The following ITIH5 variants were observed in gnomAD, a reference collection of about 807,000 sequenced individuals.
The protein encoded by ITIH5 is inter-alpha-trypsin inhibitor heavy chain 5.
Under a neutral mutation model 77.5 loss-of-function variants are expected in ITIH5, and 65 were observed. That is an observed-to-expected ratio of 0.84 (90% confidence interval 0.69 to 1.03). ITIH5 has a LOEUF of 1.03. ITIH5 is among the 50% of genes least tolerant of loss of function. The pLI, the probability that ITIH5 is intolerant of heterozygous loss-of-function variation, is 0.00. For synonymous variants in ITIH5, 525 were observed against 494.3 expected, an observed-to-expected ratio of 1.06 and a Z score of -0.82; for missense variants, 1,208 against 1,213.1, an observed-to-expected ratio of 1.00 and a Z score of 0.06.
chr10:7,576,695 T>A lies in ITIH5; in HGVS notation c.1736A>T (p.Tyr579Phe), dbSNP rs773146549. 7 of 1,613,966 alleles carry A rather than the reference T, an allele frequency of 4.3e-6. No homozygotes were observed. The highest frequency in any genetic ancestry group is 2.7e-5 in the African/African-American group (2 of 74,896). The change falls in exon 10 of 14, where the codon TAC becomes TTC. Residue 579 changes from tyrosine to phenylalanine, a missense_variant. Physicochemically the swap from Tyr to Phe is conservative, Grantham distance 22 (BLOSUM62 3). Coordinates refer to ENST00000397146, the MANE Select transcript of ITIH5 (RefSeq NM_030569.7). ...GCTCAGCAGCTCCTTTGTGGTGAGG[T>A]AGCTCCAGAGACGCTCGATGTGGTT... ...DTNHIERLWS[Y>F]LTTKELLSSW...
intron 7 of ITIH5, among the ~76,000 whole-genome samples, chr10:7,600,795 T>G (rs539296752): frequency 1.3e-5 from 2 of 152,176 alleles, no homozygotes; most frequent in Non-Finnish European, 2.9e-5. Context: ...TTGGGATCAG[T>G]GCCCTTATGA....
chr10:7,573,902 G>C lies in ITIH5; in HGVS notation c.1979-707C>G, dbSNP rs569666893. Among the ~76,000 whole-genome samples the C allele has an allele frequency of 2.6e-5, 4 of 152,266 alleles. No homozygotes were observed. The South Asian group carries it at 8.3e-4, about 32-fold the overall frequency. ...GGCCTGTAGCATTTCAGACGTGCAA[G>C]ATGGAAAAGTTCTAGAGATCTGTTT... On this transcript the variant is annotated intron_variant, in intron 10 of 13. Coordinates refer to ENST00000397146, the MANE Select transcript of ITIH5 (RefSeq NM_030569.7).
chr10:7,581,207 C>T (rs1053284831), intron 8 of ITIH5, among the ~76,000 whole-genome samples: 2 of 152,098 alleles, frequency 1.3e-5, no homozygotes, highest in Non-Finnish European at 2.9e-5. Context: ...TTGCAGTGAG[C>T]CAAGATCGTG....
intron 7 of ITIH5, chr10:7,600,535 CT>C (rs1305628789): frequency 2.2e-6 from 1 of 456,648 alleles, no homozygotes; most frequent in Non-Finnish European, 4.4e-6. Flanking sequence ...TTACCTTGGC[CT>C]TTGCCTTCCC....
intron 7 of ITIH5, 102 bp from the exon 8 acceptor site, chr10:7,586,171 T>C: frequency 3.8e-6 from 4 of 1,056,668 alleles, no homozygotes; most frequent in Non-Finnish European, 5.4e-6. Context: ...ATGTCAGGGT[T>C]CAAATTCAGT....
chr10:7,644,694 ACATATC>A (rs1228412042), intron 2 of ITIH5, among the ~76,000 whole-genome samples: 1 of 128,832 alleles, frequency 7.8e-6, no homozygotes, highest in African/African-American at 3.4e-5. Flanking sequence ...CATATATATC[ACATATC>A]TATATCACAT....
chr10:7,602,026 A>G (rs1291138473), intron 7 of ITIH5, among the ~76,000 whole-genome samples: 1 of 151,780 alleles, frequency 6.6e-6, no homozygotes, highest in Non-Finnish European at 1.5e-5. Context: ...CTAATTTTTT[A>G]CGTTTTTAGT....
chr10:7,645,048 G>A (rs1353425463), intron 2 of ITIH5, among the ~76,000 whole-genome samples: 1 of 150,800 alleles, frequency 6.6e-6, no homozygotes, highest in East Asian at 1.9e-4. Flanking sequence ...TGAGGAAGGG[G>A]AGAGAATGGG....
At chr10:7,644,900 CATATATATATCACAT>C (rs1833982557) in intron 2 of ITIH5, among the ~76,000 whole-genome samples, 1 of 55,768 alleles carries the variant, frequency 1.8e-5, no homozygotes, top group African/African-American at 8.5e-5. Context: ...ATATATATCA[CATATATATATCACAT>C]ATATATATCA....
intron 7 of ITIH5, among the ~76,000 whole-genome samples, chr10:7,600,268 G>T (rs1832988191): frequency 6.6e-6 from 1 of 152,212 alleles, no homozygotes; most frequent in Non-Finnish European, 1.5e-5. Context: ...CAGTGGACAG[G>T]ATGTTAGGGG....
intron 2 of ITIH5, among the ~76,000 whole-genome samples, chr10:7,645,817 T>A (rs1479540516): frequency 1.3e-5 from 2 of 152,224 alleles, no homozygotes; most frequent in Non-Finnish European, 2.9e-5. Context: ...TGTTAAATGA[T>A]CTCATTAAAA....
At chr10:7,648,380 T>A (rs1484261778) in intron 2 of ITIH5, among the ~76,000 whole-genome samples, 2 of 152,350 alleles carry the variant, frequency 1.3e-5, no homozygotes, top group East Asian at 3.9e-4. Context: ...AATTCAAAAG[T>A]TACTTGTGAA....
chr10:7,626,192 C>T (rs944218518), intron 5 of ITIH5, among the ~76,000 whole-genome samples: 4 of 152,280 alleles, frequency 2.6e-5, no homozygotes, highest in Admixed American at 2.0e-4. Context: ...CCACCTCCCA[C>T]AGCAAGCCAA....
intron 8 of ITIH5, among the ~76,000 whole-genome samples, chr10:7,581,870 A>AT (rs34386089): frequency 0.072 from 5,821 of 81,344 alleles, 445 homozygotes; most frequent in African/African-American, 0.2. Context: ...CCACCCATGT[A>AT]TTTTTTTTTT....
chr10:7,563,073 G>C lies in ITIH5; in HGVS notation c.*10C>G. The C allele has an allele frequency of 6.2e-7, 1 of 1,612,638 alleles. No individual in the cohort carries two copies. Among genetic ancestry groups the C allele is most frequent in the Non-Finnish European group, 8.5e-7 (1 of 1,178,656 alleles). On this transcript the variant is annotated 3_prime_UTR_variant, in exon 14 of 14. Transcript: ENST00000397146. ...TCCTTCATGCACTTGCATCTTTAAGGCTGCCAGCTTCAGAGCTCCCTGGAC... is the reference window on the plus strand; with the variant it reads ...TCCTTCATGCACTTGCATCTTTAAGCCTGCCAGCTTCAGAGCTCCCTGGAC...
At chr10:7,661,415 A>G (rs1834274745) in intron 1 of ITIH5, among the ~76,000 whole-genome samples, 1 of 152,156 alleles carries the variant, frequency 6.6e-6, no homozygotes, top group Non-Finnish European at 1.5e-5. Context: ...TTAAGGGCCA[A>G]TTACCTTAGA....
rs1832419583 is a variant in ITIH5 at position 7,576,528 on chromosome 10, C to T, written c.1903G>A (p.Glu635Lys). Residue 635 changes from glutamate (E) to lysine (K), a missense_variant, in exon 10 of 14, where the codon GAG becomes AAG. By Grantham distance (56) the Glu-to-Lys change is moderately conservative. Coordinates refer to ENST00000397146, the MANE Select transcript of ITIH5 (RefSeq NM_030569.7). Reference protein sequence around the residue: ...GPVPRMDGLEEAHGMSAAMGP... With the variant: ...GPVPRMDGLEKAHGMSAAMGP... ...ATGGCAGCCGACATGCCGTGGGCCT[C>T]CTCCAGGCCATCCATGCGTGGGACC... is the stretch of plus-strand genomic sequence containing the variant. 6.2e-7 allele frequency: 1 copy of T among 1,612,746 alleles called. No homozygotes were observed. Among genetic ancestry groups the T allele is most frequent in the African/African-American group, 1.3e-5 (1 of 75,070 alleles).
intron 11 of ITIH5, 103 bp from the exon 12 acceptor site, chr10:7,569,887 T>C: frequency 1.6e-6 from 1 of 620,496 alleles, no homozygotes; most frequent in Non-Finnish European, 2.6e-6. Context: ...TTTTATTGAA[T>C]CCTGAAAACT....
At chr10:7,645,251 A>T (rs921445743) in intron 2 of ITIH5, among the ~76,000 whole-genome samples, 2 of 149,240 alleles carry the variant, frequency 1.3e-5, no homozygotes, top group Non-Finnish European at 3.0e-5. Flanking sequence ...GATCAAGTTT[A>T]AAAAAAAAAT....
Sources: gnomAD v4.1 joint callset for allele counts (sites outside exome capture counted in the v4.1 genomes callset) on GRCh38, gnomAD v4.1.1 for gene constraint, MANE v1.5 for transcripts, NCBI Gene and HGNC (gene_info 2026-07-23, HGNC 2026-07-21) for gene names.